The following XXYLT1 variants were observed in gnomAD, a reference collection of about 807,000 sequenced individuals.
The protein encoded by XXYLT1 is xyloside xylosyltransferase 1.
XXYLT1 carries 20 observed loss-of-function variants against 28.9 expected under a neutral mutation model. The ratio of observed to expected loss-of-function variants is 0.69; its 90% CI spans 0.49 to 1.00. XXYLT1 has a LOEUF of 1.00. XXYLT1 is among the 50% of genes least tolerant of loss of function. The pLI, the probability that XXYLT1 is intolerant of heterozygous loss-of-function variation, is 0.00. For missense variants in XXYLT1, 542 were observed against 560.1 expected (o/e 0.97, Z 0.33); for synonymous variants, 257 against 253.8 (o/e 1.01, Z -0.12).
chr3:195,085,867 C>G (rs535492361), intron 3 of XXYLT1: 1 of 152,354 alleles, frequency 6.6e-6, no homozygotes, highest in Non-Finnish European at 1.5e-5. Context: ...TCCCCCACCC[C>G]GAGGCTAGCC....
rs557254989 is a variant in XXYLT1 at position 195,235,945 on chromosome 3, CATAG to C, written c.505-9093_505-9090del. On this transcript the variant is annotated intron_variant, in intron 1 of 3. Transcript: ENST00000310380. ...ACATAGACATAGACATAGACATAGA[CATAG>C]ACATAGAGATATACACCTGGCTGGG... is the stretch of plus-strand genomic sequence containing the variant. 8.4e-4 allele frequency among the ~76,000 whole-genome samples: 122 copies of C among 146,082 alleles called. 1 individual carries two copies. The East Asian group carries it at 0.018, about 21-fold the overall frequency.
chr3:195,073,256 G>C (rs761763471), intron 3 of XXYLT1, among the ~76,000 whole-genome samples: 2 of 152,224 alleles, frequency 1.3e-5, no homozygotes, highest in Non-Finnish European at 2.9e-5. Flanking sequence ...AGGGTGATCG[G>C]GTGATGCTGG....
chr3:195,108,904 C>T (rs1424270462), intron 3 of XXYLT1, among the ~76,000 whole-genome samples: 7 of 152,316 alleles, frequency 4.6e-5, no homozygotes, highest in Admixed American at 6.5e-5. Context: ...CTACTGGTAA[C>T]GTCACGTCCC....
chr3:195,178,249 G>C lies in XXYLT1; in HGVS notation c.653-21668C>G, dbSNP rs1367077683. Among the ~76,000 whole-genome samples, 12 of 151,980 alleles carry C rather than the reference G, an allele frequency of 7.9e-5. No individual in the cohort carries two copies. The South Asian group carries it at 2.1e-3, about 26-fold the overall frequency. ...GCTCTCCCGCTTGGCTGCAGCAGAAGGTTCAAACCATGTAAGCCCCTGCCC... is the reference window on the plus strand; with the variant it reads ...GCTCTCCCGCTTGGCTGCAGCAGAACGTTCAAACCATGTAAGCCCCTGCCC... On this transcript the variant is annotated intron_variant, in intron 2 of 3. Coordinates refer to ENST00000310380, the MANE Select transcript of XXYLT1 (RefSeq NM_152531.5).
Position 195,176,674 on chromosome 3 carries a change from A to C in XXYLT1, c.653-20093T>G, listed in dbSNP as rs764763382. ...GAGAGCTGGAGGAAGCAAGACAGTA[A>C]TCTGTATCCCACACCACAGCTGGCA... On this transcript the variant is annotated intron_variant, in intron 2 of 3. Transcript: ENST00000310380. This position sits in a 1 kb window ranked among gnomAD's most constrained non-coding sequence, Gnocchi z 4.9. Among the ~76,000 whole-genome samples the C allele has an allele frequency of 6.6e-6, 1 of 152,198 alleles. No homozygotes were observed. The highest frequency in any genetic ancestry group is 2.1e-4 in the South Asian group (1 of 4,826).
In XXYLT1 at chr3:195,173,069, G is replaced by C. The variant is rs916794705; in HGVS notation, c.653-16488C>G. Reference sequence around the variant, plus strand: ...TCGACACCCCTACTTTCAAGACTTGGCACCTCTCCATGCCTCTACCCTGAT... The same window carrying C: ...TCGACACCCCTACTTTCAAGACTTGCCACCTCTCCATGCCTCTACCCTGAT... On this transcript the variant is annotated intron_variant, in intron 2 of 3. Transcript: ENST00000310380. The surrounding 1 kb of genome is among the most constrained non-coding windows in gnomAD (Gnocchi z 4.3). Among the ~76,000 whole-genome samples the C allele has an allele frequency of 3.9e-5, 6 of 152,134 alleles. No homozygotes were observed. The highest frequency in any genetic ancestry group is 7.4e-5 in the Non-Finnish European group (5 of 68,022).
Position 195,129,192 on chromosome 3 carries a change from G to A in XXYLT1, c.785+27257C>T, listed in dbSNP as rs1288194275. On this transcript the variant is annotated intron_variant, in intron 3 of 3. Coordinates refer to ENST00000310380, the MANE Select transcript of XXYLT1 (RefSeq NM_152531.5). The surrounding 1 kb of genome is among the most constrained non-coding windows in gnomAD (Gnocchi z 4.4). ...TGAACACTGAAGTCTGCACTTATACGGCAGCCATTTACAACCTCCTGCCCT... is the reference window on the plus strand; with the variant it reads ...TGAACACTGAAGTCTGCACTTATACAGCAGCCATTTACAACCTCCTGCCCT... 3.3e-5 allele frequency among the ~76,000 whole-genome samples: 5 copies of A among 152,078 alleles called. No individual in the cohort carries two copies. Among genetic ancestry groups the A allele is most frequent in the South Asian group, 4.2e-4 (2 of 4,812 alleles).
intron 1 of XXYLT1, chr3:195,259,618 C>G (rs547912593): frequency 1.0e-6 from 1 of 985,372 alleles, no homozygotes; most frequent in Admixed American, 6.1e-5. Context: ...AGGACAGTCG[C>G]GTGCGACAGG....
At chr3:195,142,393 CT>C (rs1719539557) in intron 3 of XXYLT1, among the ~76,000 whole-genome samples, 1 of 152,214 alleles carries the variant, frequency 6.6e-6, no homozygotes, top group Non-Finnish European at 1.5e-5. Flanking sequence ...TTGGTTCCCC[CT>C]CTCCTTCCTT....
intron 2 of XXYLT1, among the ~76,000 whole-genome samples, chr3:195,165,294 C>T (rs1405544591): frequency 1.3e-5 from 2 of 152,132 alleles, no homozygotes; most frequent in African/African-American, 2.4e-5. Context: ...TCCTCAGCCT[C>T]CTCCAGCCAA....
intron 2 of XXYLT1, among the ~76,000 whole-genome samples, chr3:195,164,083 G>A (rs929829997): frequency 6.6e-6 from 1 of 152,188 alleles, no homozygotes; most frequent in African/African-American, 2.4e-5. Context: ...CAAATAAATG[G>A]GATGCAGTTG....
At chr3:195,239,983 C>A (rs1031499511) in intron 1 of XXYLT1, among the ~76,000 whole-genome samples, 1 of 152,166 alleles carries the variant, frequency 6.6e-6, no homozygotes, top group Non-Finnish European at 1.5e-5. Flanking sequence ...TCAGGAATAT[C>A]CCACCCCAGG....
At chr3:195,105,509 C>A (rs11721200) in intron 3 of XXYLT1, among the ~76,000 whole-genome samples, 1 of 152,106 alleles carries the variant, frequency 6.6e-6, no homozygotes, top group African/African-American at 2.4e-5. Context: ...CAGCAGGACT[C>A]AAGTGCAAAG....
At position 195,112,466 on chromosome 3, in the gene XXYLT1, CCA is replaced by C. The variant is rs1247939076; in HGVS notation, c.786-42357_786-42356del. On this transcript the variant is annotated intron_variant, in intron 3 of 3. Transcript: ENST00000310380. ...CGCACACCCACACGCATGTGCACAC[CCA>C]CACACATGCACACACGCATGGACAC... 3.0e-4 allele frequency among the ~76,000 whole-genome samples: 43 copies of C among 144,662 alleles called. 1 individual carries two copies. Among genetic ancestry groups the C allele is most frequent in the Admixed American group, 2.5e-3 (37 of 14,544 alleles). The allele number at this position is 144,662 out of a possible 152,430, so 94.9% of individuals were successfully genotyped here. A position where few individuals can be genotyped will look rare whatever the true frequency, so the allele number is the denominator to read the frequency against.
chr3:195,105,478 C>CAA (rs1717032040), intron 3 of XXYLT1, among the ~76,000 whole-genome samples: 1 of 152,350 alleles, frequency 6.6e-6, no homozygotes, highest in Admixed American at 6.5e-5. Context: ...CGCCCAAAGG[C>CAA]AAAGGGCCAC....
chr3:195,114,668 A>G (rs2108602830), intron 3 of XXYLT1, among the ~76,000 whole-genome samples: 1 of 152,362 alleles, frequency 6.6e-6, no homozygotes, highest in South Asian at 2.1e-4. Flanking sequence ...TGAAATCCTA[A>G]TGACCCAAAT....
chr3:195,192,729 A>G (rs1722477049), intron 2 of XXYLT1, among the ~76,000 whole-genome samples: 2 of 152,240 alleles, frequency 1.3e-5, no homozygotes, highest in South Asian at 4.1e-4. Context: ...TGCTATTGCC[A>G]TTTCTATTCT....
chr3:195,149,654 C>G (rs913032139), intron 3 of XXYLT1, among the ~76,000 whole-genome samples: 5 of 152,192 alleles, frequency 3.3e-5, no homozygotes, highest in African/African-American at 9.7e-5. Flanking sequence ...ATTCGTCCCT[C>G]CCCCCATCTT....
At chr3:195,266,977 C>T (rs1254632857) in intron 1 of XXYLT1, among the ~76,000 whole-genome samples, 1 of 152,218 alleles carries the variant, frequency 6.6e-6, no homozygotes, top group Non-Finnish European at 1.5e-5. Context: ...CTTCCCTGTT[C>T]ACAGATAATA....
Sources: allele counts gnomAD v4.1 joint callset (sites outside exome capture counted in the v4.1 genomes callset), GRCh38; gene constraint gnomAD v4.1.1; non-coding constraint Gnocchi (gnomAD v3.1); transcripts MANE v1.5; gene names NCBI Gene and HGNC (gene_info 2026-07-23, HGNC 2026-07-21).